The following PHKB variants were observed in gnomAD, a reference collection of about 807,000 sequenced individuals.
The protein encoded by PHKB is phosphorylase kinase regulatory subunit beta, also known as phosphorylase b kinase regulatory subunit beta.
In PHKB, 122 loss-of-function variants were observed where a neutral mutation model predicts 152.1. That is an observed-to-expected ratio of 0.80 (90% confidence interval 0.69 to 0.93). The LOEUF is 0.93. Among genes scored for constraint, PHKB ranks in the 40% least tolerant of loss-of-function variants. The pLI, the probability that PHKB is intolerant of heterozygous loss-of-function variation, is 0.00. For synonymous variants in PHKB, 436 were observed against 464.9 expected, an observed-to-expected ratio of 0.94 and a Z score of 0.80; for missense variants, 1,304 against 1,328.4, an observed-to-expected ratio of 0.98 and a Z score of 0.29.
At chr16:47,533,455 G>A (rs1341964100) in intron 6 of PHKB, among the ~76,000 whole-genome samples, 1 of 152,176 alleles carries the variant, frequency 6.6e-6, no homozygotes, top group African/African-American at 2.4e-5. Flanking sequence ...CACCTAGGCT[G>A]TAGGTGCCAA....
chr16:47,588,572 G>A (rs1259908516), intron 9 of PHKB, among the ~76,000 whole-genome samples: 6 of 152,030 alleles, frequency 3.9e-5, no homozygotes, highest in Non-Finnish European at 5.9e-5. Flanking sequence ...CTAATTGTTG[G>A]ACATTTAGGT....
intron 10 of PHKB, among the ~76,000 whole-genome samples, chr16:47,589,937 A>G (rs924550228): frequency 1.2e-4 from 19 of 152,262 alleles, no homozygotes; most frequent in African/African-American, 4.6e-4. Flanking sequence ...GGCACATGCC[A>G]CAATGCCCAG....
intron 26 of PHKB, among the ~76,000 whole-genome samples, chr16:47,681,592 C>T (rs935597957): frequency 1.1e-4 from 16 of 152,046 alleles, no homozygotes; most frequent in African/African-American, 3.6e-4. Context: ...AGGATTGCAA[C>T]CCCTGCCTTT....
intron 7 of PHKB, chr16:47,566,665 C>A: frequency 2.2e-6 from 2 of 892,944 alleles, no homozygotes; most frequent in Admixed American, 1.7e-5. Context: ...CAAGCAGCCC[C>A]TGGAGCAGTG....
intron 27 of PHKB, among the ~76,000 whole-genome samples, chr16:47,690,983 G>C (rs376768455): frequency 5.9e-5 from 9 of 152,248 alleles, no homozygotes; most frequent in Admixed American, 3.3e-4. Flanking sequence ...ACTTTGGGAG[G>C]CTGGAGCAGG....
Position 47,588,788 on chromosome 16 carries a change from A to T in PHKB, c.871-117A>T, listed in dbSNP as rs1597106138. The T allele has an allele frequency of 1.4e-5, 11 of 805,058 alleles. No individual in the cohort carries two copies. The South Asian group carries it at 1.4e-4, about 10-fold the overall frequency. The allele number at this position is 805,058 out of a possible 1,614,324, so 49.9% of individuals were successfully genotyped here. ...AACATCTGTCTGATCCTGGGAGCAG[A>T]GCGTGCTCACTTTTGACTGCATAAC... On this transcript the variant is annotated intron_variant, in intron 9 of 30. Transcript: ENST00000323584.
In PHKB at chr16:47,660,785, A is replaced by G. The variant is rs368503018; in HGVS notation, c.2162A>G (p.Asp721Gly). 6.8e-6 allele frequency: 11 copies of G among 1,613,976 alleles called. No individual in the cohort carries two copies. Among genetic ancestry groups the G allele is most frequent in the Non-Finnish European group, 9.3e-6 (11 of 1,179,984 alleles). ...GATGTCAACATTAGTGAATGGAAGG[A>G]CAAACCCACCCACGAAATTCTTCAA... ...QPDVNISEWK[D>G]KPTHEILQKL... Residue 721 changes from aspartate (D) to glycine (G), a missense_variant, in exon 22 of 31, where the codon GAC becomes GGC. Transcript: ENST00000323584.
chr16:47,629,479 A>G (rs1159498350), intron 14 of PHKB, among the ~76,000 whole-genome samples: 1 of 151,928 alleles, frequency 6.6e-6, no homozygotes, highest in Non-Finnish European at 1.5e-5. Context: ...ATGAGATACC[A>G]TCTCACACCA....
chr16:47,624,457 G>T (rs1972674232), intron 14 of PHKB, among the ~76,000 whole-genome samples: 1 of 152,260 alleles, frequency 6.6e-6, no homozygotes, highest in Non-Finnish European at 1.5e-5. Context: ...TCTCAGAAGG[G>T]TTTATAAAAG....
intron 26 of PHKB, among the ~76,000 whole-genome samples, chr16:47,680,117 G>T (rs1257148797): frequency 2.0e-5 from 3 of 152,170 alleles, no homozygotes; most frequent in Non-Finnish European, 2.9e-5. Context: ...CAGGGATGAA[G>T]CCCACTTGAT....
In PHKB at chr16:47,660,581, G is replaced by A. The variant is rs1427990456; in HGVS notation, c.2033+14G>A. 6.2e-7 allele frequency: 1 copy of A among 1,612,242 alleles called. No homozygotes were observed. Among genetic ancestry groups the A allele is most frequent in the Non-Finnish European group, 8.5e-7 (1 of 1,178,566 alleles). ...TGACACAGAAGAGTAAGTCCCTTTG[G>A]GTTATTTCATTTTTGGGTTTTTTGA... On this transcript the variant is annotated intron_variant, in intron 21 of 30. Transcript: ENST00000323584.
chr16:47,616,335 G>T (rs150890667), intron 14 of PHKB, among the ~76,000 whole-genome samples: 1 of 151,516 alleles, frequency 6.6e-6, no homozygotes, highest in East Asian at 1.9e-4. Flanking sequence ...GATCCATTCT[G>T]AGTTAATTTT....
chr16:47,533,714 C>A (rs1445987695), intron 6 of PHKB, among the ~76,000 whole-genome samples: 1 of 152,176 alleles, frequency 6.6e-6, no homozygotes, highest in Non-Finnish European at 1.5e-5. Flanking sequence ...TCCAAGCCTG[C>A]GAGGGCAGGG....
At chr16:47,663,243 AG>A (rs1191209734) in intron 23 of PHKB, among the ~76,000 whole-genome samples, 3 of 152,208 alleles carry the variant, frequency 2.0e-5, no homozygotes, top group Non-Finnish European at 1.5e-5. Context: ...GAATGATCAT[AG>A]CCCCATGTAC....
chr16:47,471,246 G>T (rs376901815), intron 1 of PHKB, among the ~76,000 whole-genome samples: 2 of 152,154 alleles, frequency 1.3e-5, no homozygotes, highest in African/African-American at 4.8e-5. Flanking sequence ...TATTTAAAGC[G>T]TACTGAAAAG....
intron 25 of PHKB, chr16:47,666,030 C>T (rs990367323): frequency 6.2e-7 from 1 of 1,603,048 alleles, no homozygotes; most frequent in Non-Finnish European, 8.5e-7. Flanking sequence ...GCAGGGCAAA[C>T]AGGTAAGTAT....
intron 1 of PHKB, among the ~76,000 whole-genome samples, chr16:47,484,975 A>G (rs575090382): frequency 1.4e-4 from 21 of 152,334 alleles, no homozygotes; most frequent in African/African-American, 4.3e-4. Flanking sequence ...GGCATTTTAA[A>G]GTACTTAGTT....
intron 7 of PHKB, among the ~76,000 whole-genome samples, chr16:47,570,444 G>C (rs1056252999): frequency 6.6e-6 from 1 of 152,096 alleles, no homozygotes; most frequent in Non-Finnish European, 1.5e-5. Context: ...GTTTTACATG[G>C]TCCCGTATTT....
In PHKB at chr16:47,649,213, G is replaced by T; in HGVS notation, c.1797+9G>T. The T allele has an allele frequency of 7.3e-7, 1 of 1,374,644 alleles. No homozygotes were observed. Among genetic ancestry groups the T allele is most frequent in the Non-Finnish European group, 1.0e-6 (1 of 961,702 alleles). 85.2% of individuals were successfully genotyped at this position (1,374,644 alleles called of 1,614,324 possible). ...TGATAGATGACATAAAGGTAGCTTCGGAACACCTTTCTTAAAAATGGAATG... is the reference window on the plus strand; with the variant it reads ...TGATAGATGACATAAAGGTAGCTTCTGAACACCTTTCTTAAAAATGGAATG... On this transcript the variant is annotated intron_variant, in intron 18 of 30. Coordinates refer to ENST00000323584, the MANE Select transcript of PHKB (RefSeq NM_000293.3).
Sources: gnomAD v4.1 joint callset for allele counts (sites outside exome capture counted in the v4.1 genomes callset) on GRCh38, gnomAD v4.1.1 for gene constraint, MANE v1.5 for transcripts, NCBI Gene and HGNC (gene_info 2026-07-23, HGNC 2026-07-21) for gene names.